IFRD1: variants seen among roughly 807,000 people sequenced by gnomAD.
IFRD1 encodes the protein interferon-related developmental regulator 1.
Under a neutral mutation model 52.9 loss-of-function variants are expected in IFRD1, and 35 were observed. The ratio of observed to expected loss-of-function variants is 0.66; its 90% CI spans 0.51 to 0.88. The LOEUF is 0.88. Ranked by LOEUF, IFRD1 falls within the 40% of genes least tolerant of loss-of-function variation. The pLI is 0.00. For synonymous variants in IFRD1, 184 were observed against 188.4 expected (o/e 0.98, Z 0.19); for missense variants, 517 against 550.8 (o/e 0.94, Z 0.61).
chr7:112,426,102 G>T (rs1239526690), intron 1 of IFRD1, among the ~76,000 whole-genome samples: 1 of 152,094 alleles, frequency 6.6e-6, no homozygotes, highest in African/African-American at 2.4e-5. Flanking sequence ...AATACCAGCT[G>T]CTTGGGAGAC....
At chr7:112,466,120 G>T (rs1476914161) in intron 8 of IFRD1, among the ~76,000 whole-genome samples, 1 of 151,742 alleles carries the variant, frequency 6.6e-6, no homozygotes, top group East Asian at 1.9e-4. Flanking sequence ...ATTTCTCTGG[G>T]AGCTCATTTC....
intron 11 of IFRD1, among the ~76,000 whole-genome samples, chr7:112,473,253 C>T (rs780466129): frequency 2.0e-5 from 3 of 151,892 alleles, no homozygotes; most frequent in Non-Finnish European, 4.4e-5. Context: ...AATATAGGAA[C>T]GGTGTTCATT....
intron 1 of IFRD1, among the ~76,000 whole-genome samples, chr7:112,424,009 A>C (rs1794376477): frequency 6.6e-6 from 1 of 152,212 alleles, no homozygotes; most frequent in African/African-American, 2.4e-5. Context: ...AAAGTGATTT[A>C]TTCCAAAGCT....
intron 1 of IFRD1, among the ~76,000 whole-genome samples, chr7:112,436,729 T>G (rs1291231773): frequency 1.3e-5 from 2 of 152,204 alleles, no homozygotes; most frequent in Non-Finnish European, 2.9e-5. Context: ...TTGTGTATTA[T>G]AGTATACAAC....
At chr7:112,447,110 A>G (rs931993160), upstream of IFRD1, among the ~76,000 whole-genome samples, 5 of 152,226 alleles carry the variant, frequency 3.3e-5, no homozygotes, top group African/African-American at 1.2e-4. Context: ...AGGTATGAAT[A>G]CTGAATCTTA....
chr7:112,467,851 A>G lies in IFRD1; in HGVS notation c.907-130A>G, dbSNP rs1175412273. 2.8e-5 allele frequency: 25 copies of G among 892,300 alleles called. No homozygotes were observed. In the East Asian group the frequency reaches 6.3e-4, roughly 23 times the overall value. 55.3% of individuals were successfully genotyped at this position (892,300 alleles called of 1,614,324 possible). On this transcript the variant is annotated intron_variant, in intron 8 of 11. Transcript: ENST00000403825. ...GTGTTTATGTGTGCCTAGTCCCTAA[A>G]TACCATGAAGATTTACATTGCCTTA...
intron 9 of IFRD1, among the ~76,000 whole-genome samples, chr7:112,468,407 A>G (rs1310823884): frequency 1.3e-5 from 2 of 152,132 alleles, no homozygotes; most frequent in Non-Finnish European, 2.9e-5. Flanking sequence ...CATTTAAACC[A>G]TGGTGCTTAG....
chr7:112,435,184 T>C (rs991491455), intron 1 of IFRD1, among the ~76,000 whole-genome samples: 2 of 152,180 alleles, frequency 1.3e-5, no homozygotes, highest in African/African-American at 4.8e-5. Flanking sequence ...GTGATGGCGG[T>C]ATTACCTCTC....
chr7:112,451,567 A>G (rs1385563596), intron 1 of IFRD1, among the ~76,000 whole-genome samples: 1 of 152,164 alleles, frequency 6.6e-6, no homozygotes, highest in Non-Finnish European at 1.5e-5. Context: ...GCAGTTGGCT[A>G]AAAGTTGAGG....
rs1228119730 is a variant in IFRD1, at chr7:112,457,331, T to G, written c.409+293T>G. On this transcript the variant is annotated intron_variant, in intron 4 of 11. Coordinates refer to ENST00000403825, the MANE Select transcript of IFRD1 (RefSeq NM_001550.4). The stretch of plus-strand genomic sequence containing the variant: ...CATTCTCTTGTTATACCAGAAAAGC[T>G]TGAAAGTGTGTGTCAGACATCTAGC... 5 of 529,518 alleles carry G rather than the reference T, an allele frequency of 9.4e-6. No individual in the cohort carries two copies. The African/African-American group carries it at 9.5e-5, about 10-fold the overall frequency. 32.8% of individuals were successfully genotyped at this position (529,518 alleles called of 1,614,324 possible). A position where few individuals can be genotyped will look rare whatever the true frequency, so the allele number is the denominator to read the frequency against.
At chr7:112,452,193 T>C in intron 1 of IFRD1, 2 of 854,294 alleles carry the variant, frequency 2.3e-6, no homozygotes, top group Non-Finnish European at 2.8e-6. Flanking sequence ...GGAGTCTGGC[T>C]CTGTCGCCCA....
chr7:112,467,451 C>G (rs1795639393), intron 8 of IFRD1: 1 of 159,046 alleles, frequency 6.3e-6, no homozygotes, highest in African/African-American at 2.4e-5. Flanking sequence ...CATTTTGCAG[C>G]TGTCCCCCAA....
At chr7:112,468,419 A>G (rs890478866) in intron 9 of IFRD1, among the ~76,000 whole-genome samples, 6 of 152,164 alleles carry the variant, frequency 3.9e-5, no homozygotes, top group South Asian at 2.1e-4. Flanking sequence ...GGTGCTTAGC[A>G]TATACATTCT....
chr7:112,456,788 G>A, intron 3 of IFRD1, 126 bp from the exon 4 acceptor site: 1 of 852,256 alleles, frequency 1.2e-6, no homozygotes, highest in Non-Finnish European at 1.9e-6. Flanking sequence ...AATGGTTAGA[G>A]CTTGATGAGA....
intron 1 of IFRD1, chr7:112,437,303 G>A (rs1278889617): frequency 6.5e-6 from 1 of 154,678 alleles, no homozygotes; most frequent in East Asian, 1.9e-4. Flanking sequence ...TAGGTGCTGG[G>A]TTACAAAGAT....
At chr7:112,473,315 C>T (rs1795811843) in intron 11 of IFRD1, among the ~76,000 whole-genome samples, 1 of 152,032 alleles carries the variant, frequency 6.6e-6, no homozygotes, top group Non-Finnish European at 1.5e-5. Flanking sequence ...TAAGTATTTA[C>T]ATAGTCCTTT....
At chr7:112,436,072 G>A (rs192235559) in intron 1 of IFRD1, among the ~76,000 whole-genome samples, 1 of 151,770 alleles carries the variant, frequency 6.6e-6, no homozygotes, top group East Asian at 2.0e-4. Context: ...TAGTAGGGAT[G>A]GGATTTCACC....
intron 1 of IFRD1, among the ~76,000 whole-genome samples, chr7:112,440,784 C>T (rs1057209319): frequency 6.6e-6 from 1 of 152,228 alleles, no homozygotes; most frequent in Admixed American, 6.5e-5. Flanking sequence ...GTAAACTATC[C>T]TAGTTTGCAA....
At chr7:112,462,436 T>C (rs1584494675) in intron 8 of IFRD1, 58 bp downstream of exon 8, 1 of 1,171,504 alleles carries the variant, frequency 8.5e-7, no homozygotes, top group East Asian at 2.3e-5. Context: ...TGTTCCATCA[T>C]TACCTTGCAA....
Sources: gnomAD v4.1 joint callset for allele counts (sites outside exome capture counted in the v4.1 genomes callset) on GRCh38, gnomAD v4.1.1 for gene constraint, MANE v1.5 for transcripts, NCBI Gene and HGNC (gene_info 2026-07-23, HGNC 2026-07-21) for gene names.